The following NALF1 variants were observed in gnomAD, a reference collection of about 807,000 sequenced individuals.
NALF1 encodes NALCN channel auxiliary factor 1.
Under a neutral mutation model 48.4 loss-of-function variants are expected in NALF1, and 3 were observed. The ratio of observed to expected loss-of-function variants is 0.06; its 90% CI spans 0.03 to 0.16. The LOEUF (loss-of-function observed/expected upper bound fraction) is 0.16, where lower values mean the gene tolerates loss of function less well. Ranked by LOEUF, NALF1 falls within the 10% of genes least tolerant of loss-of-function variation. The pLI is 1.00. For missense variants in NALF1, 526 were observed against 571.5 expected (o/e 0.92, Z 0.81); for synonymous variants, 262 against 245.7 (o/e 1.07, Z -0.62).
At chr13:107,440,564 C>A (rs1884541488) in intron 1 of NALF1, among the ~76,000 whole-genome samples, 6 of 152,098 alleles carry the variant, frequency 3.9e-5, no homozygotes, top group Admixed American at 3.3e-4. Context: ...GAAGAGGACA[C>A]CGTGTTCTCT....
chr13:107,577,982 C>T (rs932924717), intron 1 of NALF1, among the ~76,000 whole-genome samples: 4 of 152,220 alleles, frequency 2.6e-5, no homozygotes, highest in Middle Eastern at 3.4e-3. Flanking sequence ...GCTTAAAACC[C>T]TTTGAGATTC....
chr13:107,834,901 T>C (rs1316659266), intron 1 of NALF1, among the ~76,000 whole-genome samples: 1 of 152,122 alleles, frequency 6.6e-6, no homozygotes, highest in Non-Finnish European at 1.5e-5. Flanking sequence ...TAATTCCAGG[T>C]TTAACATGAC....
chr13:107,223,723 C>G (rs1246870659), intron 1 of NALF1, among the ~76,000 whole-genome samples: 2 of 152,120 alleles, frequency 1.3e-5, no homozygotes, highest in Admixed American at 6.5e-5. Context: ...TAGTATAATA[C>G]AGTGCATTTT....
intron 1 of NALF1, among the ~76,000 whole-genome samples, chr13:107,451,975 T>C (rs183153571): frequency 1.9e-3 from 285 of 152,310 alleles, no homozygotes; most frequent in Non-Finnish European, 3.0e-3. Flanking sequence ...GTGTCCCTGG[T>C]TTCATACTGA....
chr13:107,235,945 T>C (rs1392406645), intron 1 of NALF1, among the ~76,000 whole-genome samples: 1 of 152,216 alleles, frequency 6.6e-6, no homozygotes, highest in African/African-American at 2.4e-5. Flanking sequence ...TTAAGGCATT[T>C]TCTTCACTTG....
chr13:107,494,209 T>C (rs1204190497), intron 1 of NALF1, among the ~76,000 whole-genome samples: 3 of 138,394 alleles, frequency 2.2e-5, no homozygotes, highest in African/African-American at 1.0e-4. Context: ...TAGGCGAAAA[T>C]TACCAAAAGA....
chr13:107,175,355 G>A (rs1878906083), intron 2 of NALF1, among the ~76,000 whole-genome samples: 1 of 152,016 alleles, frequency 6.6e-6, no homozygotes, highest in Non-Finnish European at 1.5e-5. Flanking sequence ...TGCATCTCGT[G>A]TTGTCAATAC....
chr13:107,298,441 T>C (rs1473922564), intron 1 of NALF1, among the ~76,000 whole-genome samples: 3 of 151,476 alleles, frequency 2.0e-5, no homozygotes, highest in South Asian at 4.2e-4. Flanking sequence ...ATTTTATTTA[T>C]TTATGTTTTG....
At chr13:107,735,689 C>T (rs1290156107) in intron 1 of NALF1, among the ~76,000 whole-genome samples, 3 of 152,128 alleles carry the variant, frequency 2.0e-5, no homozygotes, top group Admixed American at 6.6e-5. Context: ...TTAGTAAAAA[C>T]AGTAAATATT....
At chr13:107,293,269 C>T (rs189060495) in intron 1 of NALF1, among the ~76,000 whole-genome samples, 2 of 152,144 alleles carry the variant, frequency 1.3e-5, no homozygotes, top group Admixed American at 6.5e-5. Flanking sequence ...TGTGAGCCAC[C>T]GCGCTCAGCC....
intron 1 of NALF1, among the ~76,000 whole-genome samples, chr13:107,326,611 G>A (rs1298001824): frequency 1.3e-5 from 2 of 152,156 alleles, no homozygotes; most frequent in Non-Finnish European, 2.9e-5. Context: ...ACACTGAGAG[G>A]ATTGAGTAAT....
chr13:107,769,864 T>A (rs182542876), intron 1 of NALF1, among the ~76,000 whole-genome samples: 69 of 152,238 alleles, frequency 4.5e-4, no homozygotes, highest in Admixed American at 2.9e-3. Flanking sequence ...TCAATATACA[T>A]CCTCCAAATA....
intron 1 of NALF1, among the ~76,000 whole-genome samples, chr13:107,263,120 G>A (rs1370088617): frequency 2.6e-5 from 4 of 152,028 alleles, no homozygotes; most frequent in African/African-American, 9.7e-5. Flanking sequence ...TGCATCCCTT[G>A]AAACCCTTCA....
rs1209365974 is a variant in NALF1, at chr13:107,550,897, T to A, written c.915+314785A>T. 2.7e-5 allele frequency among the ~76,000 whole-genome samples: 4 copies of A among 148,006 alleles called. No homozygotes were observed. The Admixed American group carries it at 2.8e-4, about 10-fold the overall frequency. On this transcript the variant is annotated intron_variant, in intron 1 of 2. Transcript: ENST00000375915. The stretch of plus-strand genomic sequence containing the variant: ...GAGGTTATTTCACTATTTATTGACA[T>A]TCAGAAAAAAAAAAAACTTATTGTT...
rs556029130 is a variant in NALF1 at position 107,170,014 on chromosome 13, T to C, written c.*483A>G. Reference sequence around the variant, plus strand: ...TTTATTTTTTATTCTTTTTTTGTTGTTGTTTTTTGCTATACCATGAGGTCA... The same window carrying C: ...TTTATTTTTTATTCTTTTTTTGTTGCTGTTTTTTGCTATACCATGAGGTCA... On this transcript the variant is annotated 3_prime_UTR_variant, in exon 3 of 3. Transcript: ENST00000375915. 1 of 152,872 alleles carries C rather than the reference T, an allele frequency of 6.5e-6. No homozygotes were observed. Among genetic ancestry groups the C allele is most frequent in the East Asian group, 1.9e-4 (1 of 5,188 alleles). The allele number at this position is 152,872 out of a possible 1,614,324, so 9.5% of individuals were successfully genotyped here.
At chr13:107,640,971 G>C (rs989713514) in intron 1 of NALF1, among the ~76,000 whole-genome samples, 1 of 152,172 alleles carries the variant, frequency 6.6e-6, no homozygotes, top group Admixed American at 6.5e-5. Context: ...TGTCAGAGAT[G>C]TCTGCACTCC....
At chr13:107,191,375 A>G (rs1304019213) in intron 2 of NALF1, among the ~76,000 whole-genome samples, 1 of 152,222 alleles carries the variant, frequency 6.6e-6, no homozygotes, top group East Asian at 1.9e-4. Context: ...AAAGACCTAG[A>G]AAATATTTAT....
intron 1 of NALF1, among the ~76,000 whole-genome samples, chr13:107,619,887 A>G (rs1342468843): frequency 6.6e-6 from 1 of 152,172 alleles, no homozygotes; most frequent in Non-Finnish European, 1.5e-5. Flanking sequence ...TTTTCCAGAA[A>G]AGGCCAATAT....
chr13:107,750,177 C>T (rs772490995), intron 1 of NALF1, among the ~76,000 whole-genome samples: 8 of 152,262 alleles, frequency 5.3e-5, no homozygotes, highest in Non-Finnish European at 1.0e-4. Context: ...TCGCCACTTG[C>T]CCAGTGGCTG....
Sources: allele counts gnomAD v4.1 joint callset (sites outside exome capture counted in the v4.1 genomes callset), GRCh38; gene constraint gnomAD v4.1.1; transcripts MANE v1.5; gene names NCBI Gene and HGNC (gene_info 2026-07-23, HGNC 2026-07-21).